CNGB1: variants seen among roughly 807,000 people sequenced by gnomAD.
The protein encoded by CNGB1 is cyclic nucleotide-gated channel beta-1.
In CNGB1, 126 loss-of-function variants were observed where a neutral mutation model predicts 151.7. The observed-to-expected ratio is 0.83, with a 90% CI of 0.72 to 0.96. CNGB1 has a LOEUF of 0.96. CNGB1 is among the 40% of genes least tolerant of loss of function. CNGB1 has a pLI of 0.00. For missense variants in CNGB1, 1,698 were observed against 1,627.0 expected, an observed-to-expected ratio of 1.04 and a Z score of -0.75; for synonymous variants, 623 against 635.1, an observed-to-expected ratio of 0.98 and a Z score of 0.29.
At chr16:57,912,740 T>C (rs550754191) in intron 24 of CNGB1, among the ~76,000 whole-genome samples, 190 bp downstream of exon 24, 1 of 151,744 alleles carries the variant, frequency 6.6e-6, no homozygotes, top group South Asian at 2.1e-4. Context: ...GTGTTGTGTG[T>C]GTGCATTGTG....
chr16:57,959,645 G>A (rs1043977359), intron 10 of CNGB1, among the ~76,000 whole-genome samples: 4 of 152,146 alleles, frequency 2.6e-5, no homozygotes, highest in South Asian at 2.1e-4. Context: ...AAGTGCAGAC[G>A]AGTATGTATA....
chr16:57,887,793 C>G, intron 32 of CNGB1, 62 bp downstream of exon 32: 1 of 1,522,750 alleles, frequency 6.6e-7, no homozygotes, highest in Non-Finnish European at 9.1e-7. Context: ...TTGGAGACCC[C>G]TTGGCCTTCT....
chr16:57,911,259 A>T (rs1354074532), intron 25 of CNGB1, among the ~76,000 whole-genome samples: 5 of 152,172 alleles, frequency 3.3e-5, no homozygotes, highest in African/African-American at 1.2e-4. Flanking sequence ...AGGAAACCTT[A>T]GCTTGGGGAA....
intron 15 of CNGB1, 107 bp downstream of exon 15, chr16:57,940,127 A>T: frequency 9.1e-7 from 1 of 1,103,296 alleles, no homozygotes; most frequent in East Asian, 2.6e-5. Context: ...TCCTGCGGGC[A>T]TCTTACCAGC....
intron 2 of CNGB1, among the ~76,000 whole-genome samples, chr16:57,965,398 C>A (rs1187575740): frequency 6.6e-6 from 1 of 152,214 alleles, no homozygotes; most frequent in Non-Finnish European, 1.5e-5. Context: ...CAGATACATA[C>A]ATGCGTATAA....
chr16:57,962,141 C>T (rs1224749347), intron 7 of CNGB1, among the ~76,000 whole-genome samples: 1 of 152,158 alleles, frequency 6.6e-6, no homozygotes, highest in South Asian at 2.1e-4. Context: ...AGTCTGCCAC[C>T]CTTACTGATG....
At chr16:57,895,888 G>A (rs1255581202) in intron 31 of CNGB1, among the ~76,000 whole-genome samples, 2 of 152,080 alleles carry the variant, frequency 1.3e-5, no homozygotes, top group African/African-American at 4.8e-5. Flanking sequence ...GGCCAAACTG[G>A]ACTAATTTGA....
chr16:57,967,520 C>T lies in CNGB1; in HGVS notation c.-8-226G>A, dbSNP rs1567401558. 2.0e-5 allele frequency among the ~76,000 whole-genome samples: 3 copies of T among 152,144 alleles called. No individual in the cohort carries two copies. The East Asian group carries it at 5.8e-4, about 29-fold the overall frequency. ...ATCAGCCTGGGCAAGACAGCGAGAC[C>T]CTCGTCTCTACAAAATATTTTTTAA... On this transcript the variant is annotated intron_variant, in intron 1 of 32. Transcript: ENST00000251102.
chr16:57,890,896 C>A (rs1960071481), intron 31 of CNGB1, among the ~76,000 whole-genome samples: 1 of 152,238 alleles, frequency 6.6e-6, no homozygotes, highest in Admixed American at 6.5e-5. Flanking sequence ...ATGGCTGAGA[C>A]CCCCATTCCC....
At chr16:57,961,631 G>GGAATGAATGAATGAAT (rs10533777) in intron 7 of CNGB1, among the ~76,000 whole-genome samples, 1 of 150,786 alleles carries the variant, frequency 6.6e-6, no homozygotes, top group African/African-American at 2.4e-5. Flanking sequence ...GCTGCAGCAA[G>GGAATGAATGAATGAAT]GAATGAATGA....
chr16:57,961,423 A>G (rs926077959), intron 7 of CNGB1, among the ~76,000 whole-genome samples: 3 of 152,168 alleles, frequency 2.0e-5, no homozygotes, highest in African/African-American at 7.2e-5. Flanking sequence ...TTGGATCCCA[A>G]ATCCATCTGG....
At chr16:57,950,850 G>A (rs1961931865) in intron 12 of CNGB1, among the ~76,000 whole-genome samples, 1 of 152,210 alleles carries the variant, frequency 6.6e-6, no homozygotes, top group African/African-American at 2.4e-5. Context: ...TTGTGCAGAG[G>A]CAGAAACAAT....
intron 1 of CNGB1, among the ~76,000 whole-genome samples, chr16:57,970,297 A>G (rs1415631874): frequency 6.6e-6 from 1 of 152,220 alleles, no homozygotes; most frequent in Non-Finnish European, 1.5e-5. Context: ...AGCCCCAGGC[A>G]GCCCCGAGAG....
At chr16:57,931,111 A>C (rs1187771909) in intron 17 of CNGB1, among the ~76,000 whole-genome samples, 1 of 151,706 alleles carries the variant, frequency 6.6e-6, no homozygotes, top group Non-Finnish European at 1.5e-5. Flanking sequence ...ATTCTGTAAC[A>C]TTTATTATGT....
chr16:57,912,858 T>C (rs1284047839), intron 24 of CNGB1, 72 bp downstream of exon 24: 5 of 1,434,400 alleles, frequency 3.5e-6, no homozygotes, highest in Non-Finnish European at 4.9e-6. Context: ...GTGTTGTGTG[T>C]GTATTGCGTG....
Position 57,917,477 on chromosome 16 carries a change from C to G in CNGB1, c.1958-1G>C, listed in dbSNP as rs888090139. On this transcript the variant is annotated splice_acceptor_variant, in intron 20 of 32. Coordinates refer to ENST00000251102, the MANE Select transcript of CNGB1 (RefSeq NM_001297.5). LOFTEE classifies it high-confidence loss of function. ...AACAGCCATAGGACATACATCAGGTCTGTGGGGAAGGTTGACGGGGACGCT... is the reference window on the plus strand; with the variant it reads ...AACAGCCATAGGACATACATCAGGTGTGTGGGGAAGGTTGACGGGGACGCT... 1 of 1,613,822 alleles carries G rather than the reference C, an allele frequency of 6.2e-7. No individual in the cohort carries two copies. Among genetic ancestry groups the G allele is most frequent in the African/African-American group, 1.3e-5 (1 of 74,892 alleles).
rs1959983076 is a variant in CNGB1 at position 57,888,040 on chromosome 16, C to T, written c.3277G>A (p.Glu1093Lys). ...GGTGGAAGGATCAGCACGCTCTTCT[C>T]CTCCTTGGGCTTATTGTTGCTTCTC... ...MLRSNNKPKEEKSVLILPPRA... is the reference protein window; with the variant it reads ...MLRSNNKPKEKKSVLILPPRA... The change falls in exon 32 of 33, where the codon GAG becomes AAG. Residue 1093 changes from glutamate to lysine, a missense_variant. Coordinates refer to ENST00000251102, the MANE Select transcript of CNGB1 (RefSeq NM_001297.5). The T allele has an allele frequency of 1.2e-6, 2 of 1,614,092 alleles. No homozygotes were observed. The highest frequency in any genetic ancestry group is 1.7e-5 in the Admixed American group (1 of 60,016).
At chr16:57,934,144 A>C (rs1221915593) in intron 16 of CNGB1, among the ~76,000 whole-genome samples, 1 of 152,008 alleles carries the variant, frequency 6.6e-6, no homozygotes, top group Non-Finnish European at 1.5e-5. Flanking sequence ...GATGAGCAGG[A>C]ATGGAGAAGT....
intron 7 of CNGB1, among the ~76,000 whole-genome samples, chr16:57,962,279 C>T (rs1349295370): frequency 6.6e-6 from 1 of 152,190 alleles, no homozygotes; most frequent in African/African-American, 2.4e-5. Flanking sequence ...CTACATGAAG[C>T]CCACCTGTGA....
Sources: gnomAD v4.1 joint callset for allele counts (sites outside exome capture counted in the v4.1 genomes callset) on GRCh38, gnomAD v4.1.1 for gene constraint, MANE v1.5 for transcripts, NCBI Gene and HGNC (gene_info 2026-07-23, HGNC 2026-07-21) for gene names.